The following INPP4B variants were observed in gnomAD, a reference collection of about 807,000 sequenced individuals.
The protein encoded by INPP4B is inositol polyphosphate-4-phosphatase type II B.
INPP4B carries 55 observed loss-of-function variants against 122.5 expected under a neutral mutation model. The ratio of observed to expected loss-of-function variants is 0.45; its 90% CI spans 0.36 to 0.56. The LOEUF is 0.56. INPP4B is among the 20% of genes least tolerant of loss of function. The pLI is 0.00. For synonymous variants in INPP4B, 403 were observed against 388.7 expected (o/e 1.04, Z -0.43); for missense variants, 1,000 against 1,097.7 (o/e 0.91, Z 1.26).
chr4:142,095,710 T>A (rs1453735904), intron 23 of INPP4B, among the ~76,000 whole-genome samples: 2 of 152,116 alleles, frequency 1.3e-5, no homozygotes, highest in Admixed American at 6.6e-5. Context: ...TCAACATAGA[T>A]TGCAAAGACT....
intron 3 of INPP4B, among the ~76,000 whole-genome samples, chr4:142,444,863 G>T (rs1812569920): frequency 6.6e-6 from 1 of 152,072 alleles, no homozygotes; most frequent in African/African-American, 2.4e-5. Flanking sequence ...TATTTCCTTT[G>T]CAGGGATATG....
At chr4:142,284,312 A>G (rs971938895) in intron 9 of INPP4B, among the ~76,000 whole-genome samples, 1 of 152,168 alleles carries the variant, frequency 6.6e-6, no homozygotes, top group African/African-American at 2.4e-5. Flanking sequence ...TTATGATGCA[A>G]AAGAAAAATG....
intron 22 of INPP4B, among the ~76,000 whole-genome samples, chr4:142,111,728 C>CA (rs1221423905): frequency 3.3e-5 from 5 of 149,984 alleles, no homozygotes; most frequent in African/African-American, 9.9e-5. Flanking sequence ...ATAAGTCTTT[C>CA]AAAAAAAAGA....
chr4:142,620,234 C>T (rs1192828905), intron 2 of INPP4B, among the ~76,000 whole-genome samples: 1 of 151,874 alleles, frequency 6.6e-6, no homozygotes, highest in Non-Finnish European at 1.5e-5. Flanking sequence ...ATCACAAGCA[C>T]AAATACATGG....
chr4:142,484,557 G>C (rs1014914029), intron 2 of INPP4B, among the ~76,000 whole-genome samples: 1 of 151,938 alleles, frequency 6.6e-6, no homozygotes, highest in East Asian at 1.9e-4. Context: ...TTAAACAATA[G>C]CTGATATGTA....
At chr4:142,549,547 T>C (rs1727472678) in intron 2 of INPP4B, among the ~76,000 whole-genome samples, 1 of 152,106 alleles carries the variant, frequency 6.6e-6, no homozygotes, top group African/African-American at 2.4e-5. Flanking sequence ...TGGGAAGTGA[T>C]CTGGGTGAAT....
chr4:142,664,505 T>C (rs1020309271), intron 2 of INPP4B, among the ~76,000 whole-genome samples: 1 of 152,056 alleles, frequency 6.6e-6, no homozygotes, highest in African/African-American at 2.4e-5. Context: ...TCTAACACAT[T>C]AGAATGCCAA....
intron 2 of INPP4B, among the ~76,000 whole-genome samples, chr4:142,611,144 A>T (rs926115800): frequency 2.6e-5 from 4 of 152,200 alleles, no homozygotes; most frequent in Non-Finnish European, 2.9e-5. Context: ...CACGTCTTAC[A>T]TGGCAGGAGG....
intron 2 of INPP4B, among the ~76,000 whole-genome samples, chr4:142,542,568 G>A (rs933959967): frequency 2.0e-5 from 3 of 152,098 alleles, no homozygotes; most frequent in Admixed American, 6.5e-5. Context: ...CAATTGCTTA[G>A]AATAGTATCT....
chr4:142,114,836 A>C (rs1228832085), intron 21 of INPP4B, among the ~76,000 whole-genome samples: 1 of 152,020 alleles, frequency 6.6e-6, no homozygotes, highest in East Asian at 1.9e-4. Context: ...CTAAGAACTA[A>C]TTACCTAAAC....
intron 7 of INPP4B, among the ~76,000 whole-genome samples, chr4:142,371,064 T>C (rs1275159055): frequency 6.6e-6 from 1 of 152,052 alleles, no homozygotes; most frequent in Non-Finnish European, 1.5e-5. Context: ...CAAAACAGCA[T>C]GGTATTGGTA....
intron 2 of INPP4B, among the ~76,000 whole-genome samples, chr4:142,605,587 A>G (rs1741059352): frequency 6.6e-6 from 1 of 151,990 alleles, no homozygotes; most frequent in Admixed American, 6.6e-5. Flanking sequence ...TAGTACAAAA[A>G]CAAGTAATCC....
chr4:142,183,586 G>A (rs1179872135), intron 15 of INPP4B, among the ~76,000 whole-genome samples: 1 of 151,806 alleles, frequency 6.6e-6, no homozygotes, highest in Non-Finnish European at 1.5e-5. Flanking sequence ...GCTGTATGCT[G>A]CCTTTGCAAT....
chr4:142,517,877 C>A (rs184388422), intron 2 of INPP4B, among the ~76,000 whole-genome samples: 1 of 152,162 alleles, frequency 6.6e-6, no homozygotes, highest in Non-Finnish European at 1.5e-5. Context: ...TAAAATTCAG[C>A]AGGTCTGGTA....
intron 25 of INPP4B, among the ~76,000 whole-genome samples, chr4:142,067,961 A>C: frequency 6.6e-6 from 1 of 152,304 alleles, no homozygotes; most frequent in East Asian, 1.9e-4. Context: ...CCAACATTCA[A>C]ATTCAGGAAA....
intron 2 of INPP4B, among the ~76,000 whole-genome samples, chr4:142,475,218 C>A (rs1819605182): frequency 1.3e-5 from 2 of 152,082 alleles, no homozygotes; most frequent in South Asian, 4.2e-4. Context: ...AGAATCAAAA[C>A]TAGTCGACTG....
intron 16 of INPP4B, among the ~76,000 whole-genome samples, chr4:142,165,444 T>C (rs1289460485): frequency 6.6e-6 from 1 of 151,750 alleles, no homozygotes; most frequent in Non-Finnish European, 1.5e-5. Flanking sequence ...CTTTAACTTG[T>C]CTTTCCTTTA....
At chr4:142,110,167 T>C (rs1199977895) in intron 22 of INPP4B, among the ~76,000 whole-genome samples, 1 of 151,954 alleles carries the variant, frequency 6.6e-6, no homozygotes, top group Non-Finnish European at 1.5e-5. Context: ...CTCTAAGGGG[T>C]AATTAAAGTT....
intron 1 of INPP4B, among the ~76,000 whole-genome samples, chr4:142,830,023 T>C (rs1486963856): frequency 6.6e-6 from 1 of 152,164 alleles, no homozygotes; most frequent in Non-Finnish European, 1.5e-5. Context: ...AGGACCTTTC[T>C]AGAGCAAATG....
Sources: gnomAD v4.1 joint callset for allele counts (sites outside exome capture counted in the v4.1 genomes callset) on GRCh38, gnomAD v4.1.1 for gene constraint, MANE v1.5 for transcripts, NCBI Gene and HGNC (gene_info 2026-07-23, HGNC 2026-07-21) for gene names.